PTAR1: variants seen among roughly 807,000 people sequenced by gnomAD.
The protein encoded by PTAR1 is protein prenyltransferase alpha subunit repeat containing 1, also known as protein prenyltransferase alpha subunit repeat-containing protein 1.
Under a neutral mutation model 45.5 loss-of-function variants are expected in PTAR1, and 17 were observed. The ratio of observed to expected loss-of-function variants is 0.37; its 90% CI spans 0.26 to 0.56. The LOEUF is 0.56. Among genes scored for constraint, PTAR1 ranks in the 20% least tolerant of loss-of-function variants. The probability of loss-of-function intolerance (pLI) is 0.77; values close to 1 mark genes in which losing one functional copy is unlikely to be tolerated. For missense variants in PTAR1, 391 were observed against 476.3 expected (o/e 0.82, Z 1.67); for synonymous variants, 169 against 171.3 (o/e 0.99, Z 0.11).
At chr9:69,747,947 A>C (rs1003671078) in intron 2 of PTAR1, among the ~76,000 whole-genome samples, 6 of 152,302 alleles carry the variant, frequency 3.9e-5, no homozygotes, top group African/African-American at 1.4e-4. Flanking sequence ...CCCTGTGGGT[A>C]TCATGAAATA....
chr9:69,751,297 C>T (rs1826520443), intron 1 of PTAR1, among the ~76,000 whole-genome samples: 1 of 151,028 alleles, frequency 6.6e-6, no homozygotes, highest in Non-Finnish European at 1.5e-5. Flanking sequence ...TGCAATGTTG[C>T]AACAAAACTA....
chr9:69,753,849 T>A (rs920659203), intron 1 of PTAR1, among the ~76,000 whole-genome samples: 1 of 152,204 alleles, frequency 6.6e-6, no homozygotes, highest in African/African-American at 2.4e-5. Context: ...TCACTTGCCA[T>A]CAGTATCCTC....
At chr9:69,758,589 T>C (rs1193456172) in intron 1 of PTAR1, 3 of 276,698 alleles carry the variant, frequency 1.1e-5, no homozygotes, top group African/African-American at 6.6e-5. Context: ...AGGTGGCAGG[T>C]GTGTTTTGAG....
chr9:69,747,242 C>T (rs10511969), intron 2 of PTAR1, among the ~76,000 whole-genome samples: 14,146 of 152,230 alleles, frequency 0.093, 684 homozygotes, highest in East Asian at 0.16. Context: ...ACAAGTGATA[C>T]TATTATGCAA....
At chr9:69,752,556 T>C (rs747662064) in intron 1 of PTAR1, among the ~76,000 whole-genome samples, 4 of 152,106 alleles carry the variant, frequency 2.6e-5, no homozygotes, top group Non-Finnish European at 5.9e-5. Flanking sequence ...TGTTTTGATA[T>C]ACTATATCAA....
intron 5 of PTAR1, among the ~76,000 whole-genome samples, chr9:69,724,908 A>G (rs1163518614): frequency 3.9e-5 from 6 of 152,226 alleles, no homozygotes; most frequent in Non-Finnish European, 8.8e-5. Context: ...TGTTTTAAAC[A>G]TCTCCTTTAA....
At chr9:69,754,243 T>A (rs1030856125) in intron 1 of PTAR1, among the ~76,000 whole-genome samples, 1 of 152,130 alleles carries the variant, frequency 6.6e-6, no homozygotes, top group South Asian at 2.1e-4. Context: ...TGTCATTTCA[T>A]CTGATGAGGA....
chr9:69,718,744 C>A, intron 6 of PTAR1, 60 bp from the exon 7 acceptor site: 2 of 1,372,790 alleles, frequency 1.5e-6, no homozygotes, highest in Non-Finnish European at 1.9e-6. Flanking sequence ...TCAAGCTTTT[C>A]CAGAAAAAAA....
chr9:69,759,729 C>T, intron 1 of PTAR1, 124 bp downstream of exon 1: 1 of 931,456 alleles, frequency 1.1e-6, no homozygotes, highest in Non-Finnish European at 1.5e-6. Flanking sequence ...GCTCTGCCTC[C>T]TCCCTAGAAG....
intron 3 of PTAR1, among the ~76,000 whole-genome samples, chr9:69,737,457 C>A (rs1242333438): frequency 6.6e-6 from 1 of 152,182 alleles, no homozygotes; most frequent in East Asian, 1.9e-4. Flanking sequence ...AATTTCCACT[C>A]ACAAACAGAT....
chr9:69,720,802 T>C (rs752661773), intron 6 of PTAR1, among the ~76,000 whole-genome samples: 11 of 152,282 alleles, frequency 7.2e-5, no homozygotes, highest in Middle Eastern at 3.4e-3. Context: ...TGCCTGTATG[T>C]TGACAGCACA....
At chr9:69,744,559 G>GT (rs77776126) in intron 2 of PTAR1, among the ~76,000 whole-genome samples, 1 of 151,800 alleles carries the variant, frequency 6.6e-6, no homozygotes, top group East Asian at 1.9e-4. Context: ...ATAATTTTTT[G>GT]TATTTTAGTA....
At chr9:69,720,503 A>G (rs537390098) in intron 6 of PTAR1, among the ~76,000 whole-genome samples, 1 of 152,330 alleles carries the variant, frequency 6.6e-6, no homozygotes, top group Admixed American at 6.5e-5. Context: ...TGAAGTAGCA[A>G]ATGCTGATGT....
At position 69,718,147 on chromosome 9, in the gene PTAR1, C is replaced by T. The variant is rs958037293; in HGVS notation, c.*195G>A. 1.8e-5 allele frequency: 9 copies of T among 509,478 alleles called. No individual in the cohort carries two copies. Among genetic ancestry groups the T allele is most frequent in the East Asian group, 3.0e-5 (1 of 33,328 alleles). 31.6% of individuals were successfully genotyped at this position (509,478 alleles called of 1,614,324 possible). A position where few individuals can be genotyped will look rare whatever the true frequency, so the allele number is the denominator to read the frequency against. ...CGCTGTTCAGCAGGAAGGAACTATACGATTATTTTATCCCCACAGGAATGC... is the reference window on the plus strand; with the variant it reads ...CGCTGTTCAGCAGGAAGGAACTATATGATTATTTTATCCCCACAGGAATGC... On this transcript the variant is annotated 3_prime_UTR_variant, in exon 8 of 8. Transcript: ENST00000340434.
At chr9:69,738,749 T>A (rs955294121) in intron 3 of PTAR1, among the ~76,000 whole-genome samples, 1 of 152,008 alleles carries the variant, frequency 6.6e-6, no homozygotes, top group Non-Finnish European at 1.5e-5. Context: ...GAAACCACAA[T>A]GTGGGTGCTA....
Position 69,711,530 on chromosome 9 carries a change from A to G in PTAR1, c.*6812T>C, listed in dbSNP as rs1824523081. Reference sequence around the variant, plus strand: ...GTTTATTGTAACTTCACATTTTACCATTACCACTCTTAAGACGCTAGAAAC... The same window carrying G: ...GTTTATTGTAACTTCACATTTTACCGTTACCACTCTTAAGACGCTAGAAAC... On this transcript the variant is annotated 3_prime_UTR_variant, in exon 8 of 8. Coordinates refer to ENST00000340434, the MANE Select transcript of PTAR1 (RefSeq NM_001099666.2). The G allele has an allele frequency of 6.6e-6, 1 of 152,130 alleles. No individual in the cohort carries two copies. The highest frequency in any genetic ancestry group is 6.6e-5 in the Admixed American group (1 of 15,232). 9.4% of individuals were successfully genotyped at this position (152,130 alleles called of 1,614,324 possible).
chr9:69,746,990 GC>G (rs1826302734), intron 2 of PTAR1, among the ~76,000 whole-genome samples: 1 of 152,294 alleles, frequency 6.6e-6, no homozygotes, highest in East Asian at 1.9e-4. Context: ...AAGAAGTGAA[GC>G]TTGAGTTAAA....
At chr9:69,726,662 T>G (rs1202849385) in intron 5 of PTAR1, among the ~76,000 whole-genome samples, 2 of 152,026 alleles carry the variant, frequency 1.3e-5, no homozygotes, top group Non-Finnish European at 2.9e-5. Context: ...CATTTCATTT[T>G]AATTTACATT....
intron 5 of PTAR1, among the ~76,000 whole-genome samples, chr9:69,726,120 T>C (rs564413487): frequency 1.3e-3 from 204 of 152,226 alleles, no homozygotes; most frequent in Non-Finnish European, 2.2e-3. Flanking sequence ...ATGATCAATA[T>C]AGAAAATTCC....
Sources: gnomAD v4.1 joint callset for allele counts (sites outside exome capture counted in the v4.1 genomes callset) on GRCh38, gnomAD v4.1.1 for gene constraint, MANE v1.5 for transcripts, NCBI Gene and HGNC (gene_info 2026-07-23, HGNC 2026-07-21) for gene names.